The following TRPM3 variants were observed in gnomAD, a reference collection of about 807,000 sequenced individuals.
TRPM3 encodes the protein long transient receptor potential channel 3.
In TRPM3, 77 loss-of-function variants were observed where a neutral mutation model predicts 181.2. The observed-to-expected ratio is 0.42, with a 90% CI of 0.35 to 0.51. TRPM3 has a LOEUF of 0.51. Ranked by LOEUF, TRPM3 falls within the 20% of genes least tolerant of loss-of-function variation. The pLI, the probability that TRPM3 is intolerant of heterozygous loss-of-function variation, is 0.01. For synonymous variants in TRPM3, 745 were observed against 796.4 expected, an observed-to-expected ratio of 0.94 and a Z score of 1.09; for missense variants, 1,759 against 2,196.7, an observed-to-expected ratio of 0.80 and a Z score of 3.98.
At chr9:71,275,112 ATGTT>A (rs1216206394) in intron 1 of TRPM3, among the ~76,000 whole-genome samples, 1 of 152,222 alleles carries the variant, frequency 6.6e-6, no homozygotes, top group Non-Finnish European at 1.5e-5. Context: ...CAGCAAAATG[ATGTT>A]TATTTACTAT....
intron 3 of TRPM3, among the ~76,000 whole-genome samples, chr9:70,860,323 T>C (rs1010635134): frequency 1.3e-5 from 2 of 152,174 alleles, no homozygotes; most frequent in African/African-American, 4.8e-5. Flanking sequence ...TTCAAGATCA[T>C]GCATCTTAAT....
intron 21 of TRPM3, among the ~76,000 whole-genome samples, chr9:70,597,887 G>A (rs2059297026): frequency 6.6e-6 from 1 of 152,142 alleles, no homozygotes; most frequent in Non-Finnish European, 1.5e-5. Context: ...TTTGTGTAGG[G>A]AAAGGCATTT....
intron 1 of TRPM3, among the ~76,000 whole-genome samples, chr9:71,351,738 T>A (rs1211562844): frequency 6.6e-6 from 1 of 152,196 alleles, no homozygotes; most frequent in Non-Finnish European, 1.5e-5. Flanking sequence ...TTGGGTTATG[T>A]GCTTACACAG....
chr9:71,105,406 A>G (rs992230880), intron 1 of TRPM3, among the ~76,000 whole-genome samples: 4 of 152,188 alleles, frequency 2.6e-5, no homozygotes, highest in African/African-American at 9.6e-5. Flanking sequence ...TGGGAAAAAC[A>G]CCAGGGTGGT....
intron 6 of TRPM3, among the ~76,000 whole-genome samples, chr9:70,816,906 T>C (rs1470006234): frequency 6.6e-6 from 1 of 152,212 alleles, no homozygotes; most frequent in Non-Finnish European, 1.5e-5. Context: ...CCACAGCTAG[T>C]GCAAGACTTA....
chr9:70,615,116 G>C (rs898748343), intron 18 of TRPM3, among the ~76,000 whole-genome samples: 2 of 152,322 alleles, frequency 1.3e-5, no homozygotes, highest in Admixed American at 1.3e-4. Context: ...TTTGTCACCT[G>C]AGCAAAATTA....
intron 1 of TRPM3, chr9:70,917,074 G>A: frequency 1.6e-5 from 25 of 1,597,004 alleles, no homozygotes; most frequent in Non-Finnish European, 2.1e-5. Flanking sequence ...ACTGAGGAAA[G>A]CACTGCAACA....
intron 1 of TRPM3, among the ~76,000 whole-genome samples, chr9:71,035,153 T>G (rs1200780283): frequency 6.6e-6 from 1 of 152,164 alleles, no homozygotes; most frequent in Non-Finnish European, 1.5e-5. Flanking sequence ...CATTGCTTTT[T>G]CGTAATTAGT....
Position 70,761,711 on chromosome 9 carries a change from A to G in TRPM3, c.1162T>C (p.Ser388Pro), listed in dbSNP as rs772067629. The G allele has an allele frequency of 6.2e-6, 10 of 1,611,486 alleles. No individual in the cohort carries two copies. Among genetic ancestry groups the G allele is most frequent in the Non-Finnish European group, 8.5e-6 (10 of 1,177,996 alleles). ...YSEEGGLINE[S>P]LRDQLLVTIQ... Reference sequence around the variant, plus strand: ...GTCACCAACAGCTGGTCCCTCAAAGATTCATTTATCAGTCTGCAAGTAAAA... The same window carrying G: ...GTCACCAACAGCTGGTCCCTCAAAGGTTCATTTATCAGTCTGCAAGTAAAA... Residue 388 changes from serine to proline, a missense_variant, in exon 8 of 26, where the codon TCT (serine) becomes CCT (proline). Around this residue, in one of 8 missense-constraint regions of TRPM3, gnomAD observed 737 missense variants for 957.4 expected, o/e 0.77. Coordinates refer to ENST00000677713, the MANE Select transcript of TRPM3 (RefSeq NM_001366145.2).
intron 12 of TRPM3, 63 bp downstream of exon 12, chr9:70,635,148 A>T: frequency 1.4e-6 from 2 of 1,458,880 alleles, no homozygotes; most frequent in East Asian, 4.5e-5. Context: ...AAACAGAGGC[A>T]CTCTCTAATC....
intron 1 of TRPM3, among the ~76,000 whole-genome samples, chr9:70,941,117 C>T (rs1185023159): frequency 6.6e-6 from 1 of 152,072 alleles, no homozygotes; most frequent in Non-Finnish European, 1.5e-5. Context: ...AGTATTGTTC[C>T]AGGGTATGTC....
chr9:70,931,435 T>C (rs1271916179), intron 1 of TRPM3, among the ~76,000 whole-genome samples: 1 of 152,098 alleles, frequency 6.6e-6, no homozygotes, highest in African/African-American at 2.4e-5. Flanking sequence ...AAATGTGACC[T>C]CTTGATGGCT....
chr9:70,766,681 G>T (rs2079195951), intron 7 of TRPM3, among the ~76,000 whole-genome samples: 1 of 152,196 alleles, frequency 6.6e-6, no homozygotes, highest in African/African-American at 2.4e-5. Flanking sequence ...ACAGAGAATG[G>T]CATATTTTTC....
chr9:71,408,004 A>G (rs1306292818), intron 1 of TRPM3, among the ~76,000 whole-genome samples: 1 of 152,220 alleles, frequency 6.6e-6, no homozygotes, highest in East Asian at 1.9e-4. Flanking sequence ...CCTGCAGATA[A>G]TGGTCCTGAC....
chr9:70,548,131 G>A (rs7027390), intron 25 of TRPM3, among the ~76,000 whole-genome samples: 15,166 of 152,212 alleles, frequency 0.1, 1,194 homozygotes, highest in African/African-American at 0.22. Flanking sequence ...AATGGGTAAT[G>A]TGTCCACATA....
At chr9:70,979,872 G>A (rs1368746669) in intron 1 of TRPM3, among the ~76,000 whole-genome samples, 1 of 152,098 alleles carries the variant, frequency 6.6e-6, no homozygotes, top group African/African-American at 2.4e-5. Flanking sequence ...CTCACTTGGT[G>A]GGGAGGGGGA....
chr9:70,774,628 C>T (rs1348873881), intron 7 of TRPM3: 1 of 151,928 alleles, frequency 6.6e-6, no homozygotes, highest in Admixed American at 6.6e-5. Flanking sequence ...ATGGCAAAAA[C>T]CAAGGAGATG....
At chr9:71,140,967 A>AT (rs1326346210) in intron 1 of TRPM3, among the ~76,000 whole-genome samples, 1 of 152,134 alleles carries the variant, frequency 6.6e-6, no homozygotes, top group Non-Finnish European at 1.5e-5. Context: ...ATTAGTTTCT[A>AT]TTTTCAAAAG....
chr9:70,682,329 C>T (rs2065669449), intron 8 of TRPM3, among the ~76,000 whole-genome samples: 2 of 151,996 alleles, frequency 1.3e-5, no homozygotes, highest in Admixed American at 1.3e-4. Flanking sequence ...ATCAAAACAT[C>T]ACTAATGCAA....
Sources: gnomAD v4.1 joint callset for allele counts (sites outside exome capture counted in the v4.1 genomes callset) on GRCh38, gnomAD v4.1.1 for gene constraint, gnomAD v4.1.1 regional missense constraint, MANE v1.5 for transcripts, NCBI Gene and HGNC (gene_info 2026-07-23, HGNC 2026-07-21) for gene names.